Variants in FUT8 observed in about 807,000 individuals in gnomAD.
The protein encoded by FUT8 is alpha-(1,6)-fucosyltransferase.
FUT8 carries 29 observed loss-of-function variants against 71.3 expected under a neutral mutation model. The ratio of observed to expected loss-of-function variants is 0.41; its 90% CI spans 0.30 to 0.55. The LOEUF (loss-of-function observed/expected upper bound fraction) is 0.55. FUT8 is among the 20% of genes least tolerant of loss of function. The pLI is 0.34. For missense variants in FUT8, 544 were observed against 702.1 expected (o/e 0.77, Z 2.55); for synonymous variants, 254 against 239.3 (o/e 1.06, Z -0.57).
intron 2 of FUT8, among the ~76,000 whole-genome samples, chr14:65,560,056 G>A (rs763448364): frequency 6.6e-6 from 1 of 152,102 alleles, no homozygotes; most frequent in East Asian, 1.9e-4. Flanking sequence ...TTCTAGGACA[G>A]CCCTTTGATT....
the FUT8 span, among the ~76,000 whole-genome samples, chr14:65,401,854 C>G: frequency 6.7e-6 from 1 of 148,338 alleles, no homozygotes. Flanking sequence ...GATTGTGCCA[C>G]TGCACTCCCT....
chr14:65,677,169 CGCACGT>C lies in FUT8; in HGVS notation c.835+7690_835+7695del, dbSNP rs1566890706. 9.2e-4 allele frequency among the ~76,000 whole-genome samples: 100 copies of C among 108,576 alleles called. 1 individual carries two copies. The highest frequency in any genetic ancestry group is 4.3e-3 in the African/African-American group (97 of 22,642). The allele number at this position is 108,576 out of a possible 152,430, so 71.2% of individuals were successfully genotyped here. On this transcript the variant is annotated intron_variant, in intron 7 of 10. Transcript: ENST00000673929. ...GTGTGTGTGCGCGCGCGCATGCGCGCGCACGTATGTGTGTGCGCATGTGTGTTTTTA... is the reference window on the plus strand; with the variant it reads ...GTGTGTGTGCGCGCGCGCATGCGCGCATGTGTGTGCGCATGTGTGTTTTTA...
At chr14:65,657,056 C>T (rs1463735473) in intron 6 of FUT8, among the ~76,000 whole-genome samples, 1 of 152,084 alleles carries the variant, frequency 6.6e-6, no homozygotes, top group Non-Finnish European at 1.5e-5. Context: ...TAAAAGGAAA[C>T]ATTGGGGAAA....
chr14:65,695,396 C>T (rs1244716318), intron 7 of FUT8, among the ~76,000 whole-genome samples: 1 of 149,484 alleles, frequency 6.7e-6, no homozygotes, highest in Admixed American at 6.6e-5. Context: ...AATTAAACCT[C>T]TGTCATTATA....
chr14:65,695,466 T>C (rs1893945639), intron 7 of FUT8, among the ~76,000 whole-genome samples: 1 of 152,196 alleles, frequency 6.6e-6, no homozygotes, highest in Admixed American at 6.5e-5. Context: ...AAAACTTTTT[T>C]ATTCAATATT....
In FUT8 at chr14:65,515,844, G is replaced by C. The variant is rs1882675072; in HGVS notation, c.-227-45493G>C. ...ATTTCAATTATATTTGTTTAAATGT[G>C]AATCACTTTTATAAGCAGCAGCAAA... is the stretch of plus-strand genomic sequence containing the variant. On this transcript the variant is annotated intron_variant, in intron 2 of 10. Coordinates refer to ENST00000673929, the MANE Select transcript of FUT8 (RefSeq NM_001371533.1). Among the ~76,000 whole-genome samples the C allele has an allele frequency of 2.0e-5, 3 of 152,150 alleles. No homozygotes were observed. In the South Asian group the frequency reaches 6.2e-4, roughly 31 times the overall value.
At chr14:65,431,731 C>T (rs1043824721) in intron 1 of FUT8, among the ~76,000 whole-genome samples, 5 of 150,926 alleles carry the variant, frequency 3.3e-5, no homozygotes, top group Middle Eastern at 3.2e-3. Flanking sequence ...TTTTCTCTCT[C>T]TCTAAATTGT....
the FUT8 span, among the ~76,000 whole-genome samples, chr14:65,366,232 G>C: frequency 6.6e-6 from 1 of 152,124 alleles, no homozygotes; most frequent in Non-Finnish European, 1.5e-5. Flanking sequence ...GAAAATTTAA[G>C]GTAACAGTAA....
At chr14:65,412,651 A>G, upstream of FUT8, 1 of 223,374 alleles carries the variant, frequency 4.5e-6, no homozygotes, top group South Asian at 4.9e-5. Flanking sequence ...GGCACATGCC[A>G]GGGTCGCCGT....
intron 1 of FUT8, among the ~76,000 whole-genome samples, chr14:65,453,987 C>T (rs143711607): frequency 1.3e-5 from 2 of 152,230 alleles, no homozygotes; most frequent in East Asian, 1.9e-4. Context: ...CCAGGGTGGT[C>T]ATAGGCCTTA....
chr14:65,383,513 G>T, the FUT8 span, among the ~76,000 whole-genome samples: 23 of 152,052 alleles, frequency 1.5e-4, no homozygotes, highest in African/African-American at 5.3e-4. Flanking sequence ...CTTGTGATCC[G>T]CCTGCCTTGG....
In FUT8 at chr14:65,652,462, C is replaced by T. The variant is rs546765948; in HGVS notation, c.598-16781C>T. ...TGGCCTTTGGATATGATGTGAGAAGCTTGAGAGGACATGATGCTTTGGAGC... is the reference window on the plus strand; with the variant it reads ...TGGCCTTTGGATATGATGTGAGAAGTTTGAGAGGACATGATGCTTTGGAGC... On this transcript the variant is annotated intron_variant, in intron 6 of 10. Coordinates refer to ENST00000673929, the MANE Select transcript of FUT8 (RefSeq NM_001371533.1). This position sits in a 1 kb window ranked among gnomAD's most constrained non-coding sequence, Gnocchi z 4.0. 6.6e-6 allele frequency among the ~76,000 whole-genome samples: 1 copy of T among 152,256 alleles called. No individual in the cohort carries two copies. The highest frequency in any genetic ancestry group is 1.9e-4 in the East Asian group (1 of 5,178).
chr14:65,561,833 A>G, intron 3 of FUT8, 67 bp downstream of exon 3: 1 of 1,268,302 alleles, frequency 7.9e-7, no homozygotes, highest in Non-Finnish European at 1.1e-6. Context: ...GTAGGGCTTC[A>G]TTCCGCTAGG....
At chr14:65,480,852 A>AG (rs1555364350) in intron 2 of FUT8, among the ~76,000 whole-genome samples, 6 of 150,700 alleles carry the variant, frequency 4.0e-5, no homozygotes, top group African/African-American at 1.2e-4. Context: ...ACACTGGCTA[A>AG]TTTTTTTTTG....
At chr14:65,417,065 C>T (rs974248083) in intron 1 of FUT8, among the ~76,000 whole-genome samples, 3 of 151,828 alleles carry the variant, frequency 2.0e-5, no homozygotes, top group African/African-American at 7.3e-5. Flanking sequence ...GGATTACAGG[C>T]GTGAGTCACT....
chr14:65,588,552 G>A (rs571275388), intron 3 of FUT8, among the ~76,000 whole-genome samples: 2 of 152,258 alleles, frequency 1.3e-5, no homozygotes, highest in South Asian at 4.1e-4. Context: ...TCATGTTTGT[G>A]TGCTTAAGTA....
the FUT8 span, among the ~76,000 whole-genome samples, chr14:65,381,140 C>T: frequency 6.6e-6 from 1 of 152,160 alleles, no homozygotes; most frequent in Non-Finnish European, 1.5e-5. Context: ...TATTGATTGC[C>T]GTTAACTTGG....
chr14:65,585,423 G>A (rs1277338966), intron 3 of FUT8, among the ~76,000 whole-genome samples: 1 of 152,142 alleles, frequency 6.6e-6, no homozygotes, highest in African/African-American at 2.4e-5. Context: ...CTAGTCTCAA[G>A]CAGTCCTCCC....
At chr14:65,661,638 A>G (rs1891970003) in intron 6 of FUT8, among the ~76,000 whole-genome samples, 1 of 152,146 alleles carries the variant, frequency 6.6e-6, no homozygotes, top group African/African-American at 2.4e-5. Context: ...AAAGTCATAG[A>G]AAAAAATCAT....
Sources: allele counts gnomAD v4.1 joint callset (sites outside exome capture counted in the v4.1 genomes callset), GRCh38; gene constraint gnomAD v4.1.1; non-coding constraint Gnocchi (gnomAD v3.1); transcripts MANE v1.5; gene names NCBI Gene and HGNC (gene_info 2026-07-23, HGNC 2026-07-21).